The following CDH18 variants were observed in gnomAD, a reference collection of about 807,000 sequenced individuals.
CDH18 encodes cadherin 18.
CDH18 carries 31 observed loss-of-function variants against 67.9 expected under a neutral mutation model. The observed-to-expected ratio is 0.46, with a 90% CI of 0.34 to 0.62. CDH18 has a LOEUF of 0.62. CDH18 is among the 20% of genes least tolerant of loss of function. CDH18 has a pLI of 0.01. For synonymous variants in CDH18, 362 were observed against 347.2 expected (o/e 1.04, Z -0.48); for missense variants, 890 against 975.5 (o/e 0.91, Z 1.17).
At chr5:19,724,195 C>T (rs1227078391) in intron 4 of CDH18, among the ~76,000 whole-genome samples, 1 of 152,056 alleles carries the variant, frequency 6.6e-6, no homozygotes, top group Non-Finnish European at 1.5e-5. Context: ...AATGAATAGA[C>T]TATGGGTACA....
At chr5:19,604,112 T>A (rs1310096894) in intron 6 of CDH18, among the ~76,000 whole-genome samples, 1 of 152,024 alleles carries the variant, frequency 6.6e-6, no homozygotes, top group African/African-American at 2.4e-5. Flanking sequence ...ATGGTGGGAA[T>A]AATAAAAGGG....
chr5:19,530,158 C>T (rs979434433), intron 9 of CDH18, among the ~76,000 whole-genome samples: 1 of 151,950 alleles, frequency 6.6e-6, no homozygotes, highest in Non-Finnish European at 1.5e-5. Flanking sequence ...TATGGACAAA[C>T]TAGCCATAAC....
At chr5:19,888,226 G>A (rs1311308530) in intron 2 of CDH18, among the ~76,000 whole-genome samples, 1 of 151,936 alleles carries the variant, frequency 6.6e-6, no homozygotes, top group Non-Finnish European at 1.5e-5. Flanking sequence ...CAATTAGCTT[G>A]CACACAAAAA....
Position 20,001,063 on chromosome 5 carries a change from A to G in CDH18, c.-517-9049T>C, listed in dbSNP as rs190206790. Among the ~76,000 whole-genome samples the G allele has an allele frequency of 2.0e-5, 3 of 152,348 alleles. No individual in the cohort carries two copies. The East Asian group carries it at 5.8e-4, about 29-fold the overall frequency. On this transcript the variant is annotated intron_variant, in intron 2 of 14. Coordinates refer to the CDH18 transcript ENST00000507958. ...AATGATGTAACTAAAAATAGATCAA[A>G]TTAACTTAGTATAGTAGAGATTTAC... is the stretch of plus-strand genomic sequence containing the variant.
chr5:20,101,583 G>C (rs1746472903), intron 2 of CDH18, among the ~76,000 whole-genome samples: 1 of 152,098 alleles, frequency 6.6e-6, no homozygotes, highest in Admixed American at 6.5e-5. Context: ...CATCAACTAA[G>C]ACTATGGAAT....
At chr5:20,002,242 C>T (rs534464665) in intron 2 of CDH18, among the ~76,000 whole-genome samples, 1 of 152,156 alleles carries the variant, frequency 6.6e-6, no homozygotes, top group Non-Finnish European at 1.5e-5. Context: ...ATTTAATTAA[C>T]CATTTCTGAA....
At chr5:19,950,654 T>C (rs1795703931) in intron 2 of CDH18, among the ~76,000 whole-genome samples, 1 of 152,154 alleles carries the variant, frequency 6.6e-6, no homozygotes, top group South Asian at 2.1e-4. Context: ...TCTTAACTAC[T>C]ATCTGGAATT....
chr5:19,484,295 A>T (rs1739999266), intron 11 of CDH18, among the ~76,000 whole-genome samples: 1 of 152,200 alleles, frequency 6.6e-6, no homozygotes, highest in Non-Finnish European at 1.5e-5. Flanking sequence ...TTAAAAGTAA[A>T]TAACCCTAGT....
At position 19,677,112 on chromosome 5, in the gene CDH18, C is replaced by A. The variant is rs1278234059; in HGVS notation, c.643+44235G>T. Among the ~76,000 whole-genome samples, 4 of 152,002 alleles carry A rather than the reference C, an allele frequency of 2.6e-5. No homozygotes were observed. In the East Asian group the frequency reaches 7.7e-4, roughly 29 times the overall value. On this transcript the variant is annotated intron_variant, in intron 5 of 12. Coordinates refer to ENST00000382275, the MANE Select transcript of CDH18 (RefSeq NM_004934.5). ...TCCCAAGACACAGAGTCATCAGATT[C>A]TCCAAGGCCAAAATGAAAGAAAAAA...
At chr5:20,540,236 T>C (rs1756979174) in intron 1 of CDH18, among the ~76,000 whole-genome samples, 1 of 152,152 alleles carries the variant, frequency 6.6e-6, no homozygotes, top group Admixed American at 6.5e-5. Flanking sequence ...CCCTATAGTT[T>C]TGCCTAATTA....
chr5:20,167,036 G>T (rs1392919891), intron 2 of CDH18, among the ~76,000 whole-genome samples: 1 of 152,024 alleles, frequency 6.6e-6, no homozygotes, highest in Non-Finnish European at 1.5e-5. Flanking sequence ...GTTTCTTGAA[G>T]AATAATGTTT....
At chr5:20,304,268 A>G (rs1736215123) in intron 1 of CDH18, 1 of 1,603,460 alleles carries the variant, frequency 6.2e-7, no homozygotes, top group African/African-American at 1.3e-5. Flanking sequence ...GTCTGCCCGC[A>G]CCAAAAGCTG....
At chr5:19,549,388 C>T (rs985821932) in intron 8 of CDH18, among the ~76,000 whole-genome samples, 1 of 152,156 alleles carries the variant, frequency 6.6e-6, no homozygotes, top group African/African-American at 2.4e-5. Context: ...GATGCTGGCA[C>T]CATGCTTCCT....
chr5:19,503,136 T>G (rs1743538315), intron 10 of CDH18, 27 bp from the exon 11 acceptor site: 8 of 1,131,852 alleles, frequency 7.1e-6, no homozygotes, highest in Non-Finnish European at 1.1e-5. Context: ...CTCTAAATCG[T>G]AAATTTAATT....
intron 1 of CDH18, among the ~76,000 whole-genome samples, chr5:20,568,051 C>A (rs947179926): frequency 1.3e-5 from 2 of 152,144 alleles, no homozygotes; most frequent in African/African-American, 4.8e-5. Context: ...TTTTGTCAGT[C>A]ATTCTTCTAA....
chr5:19,588,666 T>G (rs1744608599), intron 7 of CDH18, among the ~76,000 whole-genome samples: 1 of 151,962 alleles, frequency 6.6e-6, no homozygotes, highest in Non-Finnish European at 1.5e-5. Flanking sequence ...CCATCTCACG[T>G]GCAAAGACAC....
intron 4 of CDH18, among the ~76,000 whole-genome samples, chr5:19,735,300 G>A (rs200275792): frequency 2.1e-4 from 32 of 151,348 alleles, no homozygotes; most frequent in Admixed American, 1.8e-3. Context: ...TAAAGCAGTC[G>A]CAACATAAGT....
At chr5:19,762,220 A>T (rs1331670447) in intron 3 of CDH18, among the ~76,000 whole-genome samples, 2 of 152,214 alleles carry the variant, frequency 1.3e-5, no homozygotes, top group Non-Finnish European at 2.9e-5. Context: ...AGCAATGGCA[A>T]CAAAAGACAA....
At chr5:19,889,647 G>A (rs1333477085) in intron 2 of CDH18, among the ~76,000 whole-genome samples, 1 of 151,990 alleles carries the variant, frequency 6.6e-6, no homozygotes, top group Non-Finnish European at 1.5e-5. Flanking sequence ...CAGGCCTAGG[G>A]TTTTCCTTAA....
Sources: gnomAD v4.1 joint callset for allele counts (sites outside exome capture counted in the v4.1 genomes callset) on GRCh38, gnomAD v4.1.1 for gene constraint, MANE v1.5 for transcripts, NCBI Gene and HGNC (gene_info 2026-07-23, HGNC 2026-07-21) for gene names.